Variants in PRKN observed in about 807,000 individuals in gnomAD.
The protein encoded by PRKN is parkin RBR E3 ubiquitin protein ligase, also known as E3 ubiquitin-protein ligase parkin.
A neutral mutation model predicts 59.5 loss-of-function variants in PRKN; 56 were observed. The ratio of observed to expected loss-of-function variants is 0.94; its 90% CI spans 0.76 to 1.18. The LOEUF is 1.18. PRKN is among the 50% of genes most tolerant of loss of function. PRKN has a pLI of 0.00. For missense variants in PRKN, 657 were observed against 596.4 expected (o/e 1.10, Z -1.06); for synonymous variants, 250 against 222.1 (o/e 1.13, Z -1.12).
intron 9 of PRKN, among the ~76,000 whole-genome samples, chr6:161,514,254 T>C (rs1458271933): frequency 6.6e-6 from 1 of 151,978 alleles, no homozygotes; most frequent in East Asian, 1.9e-4. Flanking sequence ...ATGAAAGATA[T>C]TTATTTATCC....
At chr6:161,680,953 A>T (rs1582996760) in intron 7 of PRKN, among the ~76,000 whole-genome samples, 4 of 151,646 alleles carry the variant, frequency 2.6e-5, no homozygotes, top group African/African-American at 9.7e-5. Context: ...TTGAGTTTTT[A>T]AAATTTTTTA....
chr6:161,789,321 C>T (rs1016944954), intron 6 of PRKN, among the ~76,000 whole-genome samples: 5 of 152,160 alleles, frequency 3.3e-5, no homozygotes, highest in African/African-American at 9.7e-5. Context: ...CTAGGAACTT[C>T]GCAGACTTCC....
chr6:161,954,568 AATTAGATGACTCTTGTAATTGTTTT>A (rs778099164), intron 6 of PRKN, among the ~76,000 whole-genome samples: 14 of 152,332 alleles, frequency 9.2e-5, no homozygotes, highest in Admixed American at 7.2e-4. Flanking sequence ...TTCAGAATAA[AATTAGATGACTCTTGTAATTGTTTT>A]ATTAAGGAAC....
intron 9 of PRKN, among the ~76,000 whole-genome samples, chr6:161,516,132 G>C (rs1481175834): frequency 6.6e-6 from 1 of 152,046 alleles, no homozygotes; most frequent in Non-Finnish European, 1.5e-5. Context: ...TTCATTCCTA[G>C]TGTTTCCAAA....
At chr6:162,040,406 C>CTT (rs35510397) in intron 5 of PRKN, among the ~76,000 whole-genome samples, 17 of 139,714 alleles carry the variant, frequency 1.2e-4, no homozygotes, top group Admixed American at 1.4e-4. Flanking sequence ...ATTAGAACCA[C>CTT]TTTTTTTTTT....
chr6:161,708,694 T>A (rs998478767), intron 7 of PRKN, among the ~76,000 whole-genome samples: 1 of 152,228 alleles, frequency 6.6e-6, no homozygotes, highest in African/African-American at 2.4e-5. Flanking sequence ...TCATATATCA[T>A]TAGAGCAACT....
rs898048055 is a variant in PRKN, at chr6:161,369,666, C to T, written c.1168-9461G>A. On this transcript the variant is annotated intron_variant, in intron 10 of 11. Transcript: ENST00000366898. The surrounding 1 kb of genome is among the most constrained non-coding windows in gnomAD (Gnocchi z 5.8). ...GGAATTGCATGCATGCATGTGTGTA[C>T]GCACGCGTGGTGGAGGTGGGGGTGG... 7.2e-5 allele frequency among the ~76,000 whole-genome samples: 11 copies of T among 152,096 alleles called. No homozygotes were observed. Among genetic ancestry groups the T allele is most frequent in the South Asian group, 2.1e-4 (1 of 4,812 alleles).
intron 6 of PRKN, among the ~76,000 whole-genome samples, chr6:161,848,096 T>G (rs766623064): frequency 6.6e-6 from 1 of 152,234 alleles, no homozygotes; most frequent in Non-Finnish European, 1.5e-5. Flanking sequence ...GCTGTCCCAC[T>G]GGATGTCAGG....
chr6:162,667,199 G>A (rs1243108523), intron 1 of PRKN, among the ~76,000 whole-genome samples: 2 of 151,982 alleles, frequency 1.3e-5, no homozygotes, highest in African/African-American at 4.8e-5. Context: ...TTATATTTCT[G>A]TGCGTGACAA....
At chr6:161,821,797 G>A (rs962561263) in intron 6 of PRKN, among the ~76,000 whole-genome samples, 8 of 133,018 alleles carry the variant, frequency 6.0e-5, no homozygotes, top group South Asian at 2.5e-4. Context: ...CACCCAGGCT[G>A]GAGTGCAGTG....
At chr6:161,925,296 G>T (rs1387015808) in intron 6 of PRKN, among the ~76,000 whole-genome samples, 1 of 152,152 alleles carries the variant, frequency 6.6e-6, no homozygotes, top group Admixed American at 6.5e-5. Context: ...TAGAGGTCAG[G>T]TGCGGTGGTT....
chr6:162,656,326 T>C (rs1259915110), intron 1 of PRKN, among the ~76,000 whole-genome samples: 1 of 152,218 alleles, frequency 6.6e-6, no homozygotes, highest in East Asian at 1.9e-4. Flanking sequence ...TCCTTCTCAA[T>C]CTGTGGCCCT....
At chr6:161,668,387 C>T (rs1000993884) in intron 7 of PRKN, among the ~76,000 whole-genome samples, 3 of 151,698 alleles carry the variant, frequency 2.0e-5, no homozygotes, top group Non-Finnish European at 4.4e-5. Context: ...CTCTTAAATA[C>T]AATGCAAAAT....
At chr6:161,743,874 A>G (rs73783385) in intron 7 of PRKN, among the ~76,000 whole-genome samples, 2,714 of 152,272 alleles carry the variant, frequency 0.018, 89 homozygotes, top group African/African-American at 0.062. Flanking sequence ...GGCTTGCCCT[A>G]TGGTCCCTGA....
At chr6:161,990,483 C>A (rs1781603789) in intron 5 of PRKN, among the ~76,000 whole-genome samples, 1 of 152,108 alleles carries the variant, frequency 6.6e-6, no homozygotes, top group Non-Finnish European at 1.5e-5. Flanking sequence ...TATGATAGAA[C>A]ACAAATAAAA....
intron 7 of PRKN, among the ~76,000 whole-genome samples, chr6:161,644,803 T>A (rs917253636): frequency 1.3e-5 from 2 of 152,232 alleles, no homozygotes; most frequent in African/African-American, 4.8e-5. Flanking sequence ...TTTGAGGACA[T>A]GCACCCAGGC....
At chr6:162,370,268 G>A (rs1447762080) in intron 2 of PRKN, among the ~76,000 whole-genome samples, 1 of 151,986 alleles carries the variant, frequency 6.6e-6, no homozygotes, top group Admixed American at 6.6e-5. Flanking sequence ...TGATTTGGAT[G>A]TTGCCTCTCA....
chr6:161,577,822 C>T (rs995699464), intron 7 of PRKN, among the ~76,000 whole-genome samples: 2 of 152,120 alleles, frequency 1.3e-5, no homozygotes, highest in African/African-American at 4.8e-5. Context: ...GGCTATGAGA[C>T]TATCCATCTT....
rs1461450977 is a variant in PRKN, at chr6:161,575,028, G to A, written c.872-5612C>T. The stretch of plus-strand genomic sequence containing the variant: ...CCTCTTTCCGTGCCATCCTCATGCC[G>A]TGCTCACAAGTTTGTGCTCTTCTGT... On this transcript the variant is annotated intron_variant, in intron 7 of 11. Transcript: ENST00000366898. The surrounding 1 kb of genome is among the most constrained non-coding windows in gnomAD (Gnocchi z 4.6). 2.0e-5 allele frequency among the ~76,000 whole-genome samples: 3 copies of A among 152,068 alleles called. No individual in the cohort carries two copies. Among genetic ancestry groups the A allele is most frequent in the African/African-American group, 4.8e-5 (2 of 41,392 alleles).
Sources: gnomAD v4.1 joint callset for allele counts (sites outside exome capture counted in the v4.1 genomes callset) on GRCh38, gnomAD v4.1.1 for gene constraint, Gnocchi (gnomAD v3.1) non-coding constraint, MANE v1.5 for transcripts, NCBI Gene and HGNC (gene_info 2026-07-23, HGNC 2026-07-21) for gene names.